Variants in SLC8A1 observed in about 807,000 individuals in gnomAD.
SLC8A1 encodes sodium/calcium exchanger 1.
In SLC8A1, 18 loss-of-function variants were observed where a neutral mutation model predicts 68.3. That is an observed-to-expected ratio of 0.26 (90% CI 0.18 to 0.39). The LOEUF (loss-of-function observed/expected upper bound fraction) is 0.39, where lower values mean the gene tolerates loss of function less well. SLC8A1 is among the 10% of genes least tolerant of loss of function. The pLI is 1.00. For synonymous variants in SLC8A1, 475 were observed against 415.5 expected (o/e 1.14, Z -1.74); for missense variants, 985 against 1,156.7 (o/e 0.85, Z 2.15).
At chr2:40,330,482 T>C (rs185096798) in intron 2 of SLC8A1, among the ~76,000 whole-genome samples, 4 of 152,336 alleles carry the variant, frequency 2.6e-5, no homozygotes, top group Admixed American at 1.3e-4. Context: ...TAAAATAAAG[T>C]AGAAAACTGG....
chr2:40,422,330 G>A (rs923663419), intron 2 of SLC8A1, among the ~76,000 whole-genome samples: 5 of 152,138 alleles, frequency 3.3e-5, no homozygotes, highest in Non-Finnish European at 4.4e-5. Context: ...ATATTTTATA[G>A]GAAAACCTCA....
intron 2 of SLC8A1, among the ~76,000 whole-genome samples, chr2:40,361,279 G>C (rs1674540465): frequency 2.0e-5 from 3 of 152,204 alleles, no homozygotes; most frequent in Admixed American, 1.3e-4. Context: ...AGACATCCAG[G>C]CATTTGATGT....
intron 2 of SLC8A1, among the ~76,000 whole-genome samples, chr2:40,179,334 G>C (rs557414222): frequency 5.9e-4 from 90 of 152,302 alleles, no homozygotes; most frequent in African/African-American, 2.1e-3. Context: ...GTTTTGATTA[G>C]AATTCTTCCT....
At chr2:40,190,466 C>G (rs1435258350) in intron 2 of SLC8A1, 1 of 152,150 alleles carries the variant, frequency 6.6e-6, no homozygotes, top group African/African-American at 2.4e-5. Context: ...TGTTTTTCTT[C>G]TCGATGCTGC....
At chr2:40,210,097 C>A (rs934775173) in intron 2 of SLC8A1, 4 of 152,152 alleles carry the variant, frequency 2.6e-5, no homozygotes, top group Non-Finnish European at 4.4e-5. Flanking sequence ...TAGACAGTGC[C>A]TTTTAAACAT....
exon 2 of SLC8A1, chr2:40,429,070 T>G: frequency 1.9e-6 from 3 of 1,611,984 alleles, no homozygotes; most frequent in Non-Finnish European, 2.5e-6. Flanking sequence ...ACTAACAGGG[T>G]CATTTTCAGT....
intron 2 of SLC8A1, among the ~76,000 whole-genome samples, chr2:40,237,665 G>A (rs1300322113): frequency 6.6e-6 from 1 of 151,986 alleles, no homozygotes; most frequent in Admixed American, 6.6e-5. Context: ...TGTTCCTTTG[G>A]AGGAGGAGAG....
chr2:40,265,573 G>C (rs1490301035), intron 2 of SLC8A1, among the ~76,000 whole-genome samples: 1 of 152,130 alleles, frequency 6.6e-6, no homozygotes, highest in Non-Finnish European at 1.5e-5. Context: ...TTTCCCATAG[G>C]TTCATGACCT....
chr2:40,200,208 A>ATT (rs2053962984), intron 2 of SLC8A1, among the ~76,000 whole-genome samples: 1 of 6,674 alleles, frequency 1.5e-4, no homozygotes, highest in African/African-American at 6.9e-4. Context: ...ATATATATAA[A>ATT]TATATATATA....
chr2:40,207,251 T>G (rs982599883), intron 2 of SLC8A1, among the ~76,000 whole-genome samples: 1 of 152,038 alleles, frequency 6.6e-6, no homozygotes, highest in Admixed American at 6.6e-5. Context: ...GGCCTTTTTT[T>G]CCAAGTGATA....
upstream of SLC8A1, among the ~76,000 whole-genome samples, chr2:40,456,678 C>G (rs1703042857): frequency 6.6e-6 from 1 of 152,188 alleles, no homozygotes; most frequent in Non-Finnish European, 1.5e-5. Context: ...ATATAGGATG[C>G]TTGGCATAGT....
chr2:40,358,787 CA>C (rs1314275098), intron 2 of SLC8A1, among the ~76,000 whole-genome samples: 1 of 152,122 alleles, frequency 6.6e-6, no homozygotes, highest in Non-Finnish European at 1.5e-5. Flanking sequence ...ATTAAACAGC[CA>C]GGGGCTGATA....
chr2:40,109,633 T>C (rs1040871058), exon 8 of SLC8A1: 1 of 152,124 alleles, frequency 6.6e-6, no homozygotes, highest in East Asian at 1.9e-4. Context: ...TCTTTCCCTA[T>C]TGCCGGGAGG....
chr2:40,417,443 G>T (rs1276856010), intron 2 of SLC8A1, among the ~76,000 whole-genome samples: 3 of 152,082 alleles, frequency 2.0e-5, no homozygotes, highest in African/African-American at 7.2e-5. Context: ...ACATTTTATT[G>T]GCTCTCAAAG....
chr2:40,098,079 G>T (rs1180559887), exon 8 of SLC8A1: 1 of 151,808 alleles, frequency 6.6e-6, no homozygotes, highest in African/African-American at 2.4e-5. Context: ...TATACAATAG[G>T]TTTCTAATTT....
At chr2:40,443,726 T>C (rs1240705102) in intron 1 of SLC8A1, among the ~76,000 whole-genome samples, 1 of 152,188 alleles carries the variant, frequency 6.6e-6, no homozygotes, top group Non-Finnish European at 1.5e-5. Flanking sequence ...TACTGACCAG[T>C]CATATGTCCT....
chr2:40,446,167 T>C (rs1403602621), intron 1 of SLC8A1, among the ~76,000 whole-genome samples: 3 of 152,202 alleles, frequency 2.0e-5, no homozygotes, highest in Non-Finnish European at 2.9e-5. Context: ...AACAGAATCA[T>C]CACCTTTAAT....
chr2:40,417,622 C>T (rs139723408), intron 2 of SLC8A1, among the ~76,000 whole-genome samples: 13 of 152,242 alleles, frequency 8.5e-5, no homozygotes, highest in Non-Finnish European at 1.5e-4. Context: ...GATCTTCCCA[C>T]CTCAGCCTCC....
At chr2:40,349,834 TC>T (rs1322834680) in intron 2 of SLC8A1, among the ~76,000 whole-genome samples, 1 of 151,918 alleles carries the variant, frequency 6.6e-6, no homozygotes, top group Non-Finnish European at 1.5e-5. Context: ...AATTCACAAA[TC>T]AAAAAAGCTT....
Sources: allele counts gnomAD v4.1 joint callset (sites outside exome capture counted in the v4.1 genomes callset), GRCh38; gene constraint gnomAD v4.1.1; transcripts MANE v1.5; gene names NCBI Gene and HGNC (gene_info 2026-07-23, HGNC 2026-07-21).